Variants in XRCC5 observed in about 807,000 individuals in gnomAD.
The protein encoded by XRCC5 is X-ray repair cross complementing 5, also known as DNA repair protein Ku80.
A neutral mutation model predicts 95.7 loss-of-function variants in XRCC5; 12 were observed. The ratio of observed to expected loss-of-function variants is 0.13; its 90% CI spans 0.08 to 0.20. The LOEUF is 0.20. XRCC5 is among the 10% of genes least tolerant of loss of function. The pLI, the probability that XRCC5 is intolerant of heterozygous loss-of-function variation, is 1.00. For missense variants in XRCC5, 595 were observed against 873.9 expected (o/e 0.68, Z 4.02); for synonymous variants, 281 against 290.3 (o/e 0.97, Z 0.33).
At chr2:216,166,471 A>T (rs563210557) in intron 16 of XRCC5, among the ~76,000 whole-genome samples, 11 of 152,280 alleles carry the variant, frequency 7.2e-5, no homozygotes, top group African/African-American at 2.6e-4. Flanking sequence ...TCTATCAGTT[A>T]TGAAAGTAGG....
intron 2 of XRCC5, among the ~76,000 whole-genome samples, chr2:216,114,646 G>T (rs1240641368): frequency 6.6e-6 from 1 of 152,100 alleles, no homozygotes; most frequent in Admixed American, 6.5e-5. Flanking sequence ...GAAGACAGGC[G>T]GGCATAAAAC....
intron 12 of XRCC5, among the ~76,000 whole-genome samples, chr2:216,139,524 G>C (rs1452128633): frequency 6.6e-6 from 1 of 152,068 alleles, no homozygotes; most frequent in Non-Finnish European, 1.5e-5. Flanking sequence ...ACCTCCCCCT[G>C]GGTCTCTCCC....
intron 10 of XRCC5, among the ~76,000 whole-genome samples, chr2:216,134,672 AC>A (rs34118455): frequency 0.43 from 57,628 of 132,860 alleles, 12,596 homozygotes; most frequent in East Asian, 0.62. Flanking sequence ...CAGGTGATCC[AC>A]CCCCCCCCCT....
Position 216,129,901 on chromosome 2 carries a change from C to A in XRCC5, c.938-974C>A, listed in dbSNP as rs145518592. ...CTGTGTTAGCCAGGATGGTCTCAAT[C>A]TCCTGACCTTGTGATCCACCTGCCT... On this transcript the variant is annotated intron_variant, in intron 8 of 20. Coordinates refer to ENST00000392132, the MANE Select transcript of XRCC5 (RefSeq NM_021141.4). 4.9e-3 allele frequency among the ~76,000 whole-genome samples: 746 copies of A among 152,260 alleles called. 9 individuals are homozygous for A. The highest frequency in any genetic ancestry group is 0.017 in the African/African-American group (706 of 41,536).
intron 20 of XRCC5, 27 bp downstream of exon 20, chr2:216,204,423 G>C: frequency 6.2e-7 from 1 of 1,612,762 alleles, no homozygotes; most frequent in Non-Finnish European, 8.5e-7. Flanking sequence ...TGCACCTGGT[G>C]TTCTATGATT....
rs1352666557 is a variant in XRCC5, at chr2:216,199,422, C to T, written c.2109+4436C>T. Among the ~76,000 whole-genome samples, 3 of 152,264 alleles carry T rather than the reference C, an allele frequency of 2.0e-5. No homozygotes were observed. In the East Asian group the frequency reaches 5.8e-4, roughly 29 times the overall value. On this transcript the variant is annotated intron_variant, in intron 19 of 20. Coordinates refer to ENST00000392132, the MANE Select transcript of XRCC5 (RefSeq NM_021141.4). ...CTGCTACAGAAATAGAAAGTTTTTG[C>T]ATGGCGTGAGTTTAGACAGTCACTT...
chr2:216,117,034 G>C, intron 3 of XRCC5, 192 bp downstream of exon 3: 1 of 624,792 alleles, frequency 1.6e-6, no homozygotes, highest in Non-Finnish European at 2.7e-6. Flanking sequence ...TGGGCTCCCA[G>C]CCCTCCACTC....
intron 16 of XRCC5, among the ~76,000 whole-genome samples, chr2:216,168,903 C>T (rs1004221223): frequency 2.6e-5 from 4 of 152,332 alleles, no homozygotes; most frequent in East Asian, 3.9e-4. Flanking sequence ...GGAATTCAAA[C>T]GCATGTCTCT....
At chr2:216,182,463 T>A (rs1689407813) in intron 16 of XRCC5, among the ~76,000 whole-genome samples, 1 of 152,198 alleles carries the variant, frequency 6.6e-6, no homozygotes, top group Non-Finnish European at 1.5e-5. Flanking sequence ...TGGAATGGAA[T>A]CAAGCATGGT....
At chr2:216,160,632 T>A (rs982255315) in intron 15 of XRCC5, among the ~76,000 whole-genome samples, 7 of 152,116 alleles carry the variant, frequency 4.6e-5, no homozygotes, top group Non-Finnish European at 8.8e-5. Context: ...TTTTATTGAA[T>A]GAGAAATTTT....
chr2:216,120,741 G>GT (rs111779528), intron 5 of XRCC5, among the ~76,000 whole-genome samples: 111 of 151,280 alleles, frequency 7.3e-4, no homozygotes, highest in African/African-American at 2.6e-3. Context: ...TTTCTTGGTT[G>GT]TTGTTTGTTT....
chr2:216,140,801 T>G (rs1334945526), intron 12 of XRCC5, among the ~76,000 whole-genome samples: 2 of 152,240 alleles, frequency 1.3e-5, no homozygotes, highest in Non-Finnish European at 2.9e-5. Flanking sequence ...CTTTTTAATG[T>G]TTTTCTTCTT....
At chr2:216,117,647 C>A in intron 3 of XRCC5, 99 bp from the exon 4 acceptor site, 3 of 1,205,772 alleles carry the variant, frequency 2.5e-6, no homozygotes, top group Non-Finnish European at 1.2e-6. Context: ...TCACATAGTT[C>A]AGTGTCCACA....
intron 16 of XRCC5, among the ~76,000 whole-genome samples, chr2:216,180,445 G>A (rs979142998): frequency 6.6e-6 from 1 of 152,170 alleles, no homozygotes. Flanking sequence ...AGCCAACATG[G>A]CAAAACCCCA....
At chr2:216,136,630 T>TG (rs1315640956) in intron 10 of XRCC5, among the ~76,000 whole-genome samples, 4 of 152,086 alleles carry the variant, frequency 2.6e-5, no homozygotes, top group Non-Finnish European at 5.9e-5. Context: ...TAGAAGGTGA[T>TG]GGGTGACTTC....
intron 8 of XRCC5, among the ~76,000 whole-genome samples, chr2:216,129,094 G>C (rs1696939361): frequency 6.6e-6 from 1 of 152,210 alleles, no homozygotes; most frequent in Admixed American, 6.5e-5. Flanking sequence ...AGATTAATAT[G>C]ACAACTGGTT....
intron 14 of XRCC5, among the ~76,000 whole-genome samples, chr2:216,150,473 G>T (rs1314448333): frequency 1.3e-5 from 2 of 152,174 alleles, no homozygotes; most frequent in Admixed American, 1.3e-4. Flanking sequence ...GTCACAGAGT[G>T]TACTTACACG....
At chr2:216,147,987 C>A (rs542399672) in intron 13 of XRCC5, 96 bp from the exon 14 acceptor site, 10 of 1,307,896 alleles carry the variant, frequency 7.6e-6, no homozygotes, top group Non-Finnish European at 1.1e-5. Flanking sequence ...ATCACTTAGC[C>A]CTCCCACACT....
intron 16 of XRCC5, among the ~76,000 whole-genome samples, chr2:216,189,811 T>A (rs2241321): frequency 6.6e-6 from 1 of 152,038 alleles, no homozygotes; most frequent in Non-Finnish European, 1.5e-5. Flanking sequence ...CTGAGTAGAA[T>A]TAGGGGAGGG....
Sources: allele counts gnomAD v4.1 joint callset (sites outside exome capture counted in the v4.1 genomes callset), GRCh38; gene constraint gnomAD v4.1.1; transcripts MANE v1.5; gene names NCBI Gene and HGNC (gene_info 2026-07-23, HGNC 2026-07-21).